Variants in NAV3 observed in about 807,000 individuals in gnomAD.
NAV3 encodes pore membrane and/or filament interacting like protein 1.
A neutral mutation model predicts 244.7 loss-of-function variants in NAV3; 87 were observed. That is an observed-to-expected ratio of 0.36 (90% CI 0.30 to 0.42). The LOEUF is 0.42. Ranked by LOEUF, NAV3 falls within the 20% of genes least tolerant of loss-of-function variation. The pLI is 1.00. For synonymous variants in NAV3, 1,126 were observed against 1,042.2 expected, an observed-to-expected ratio of 1.08 and a Z score of -1.55; for missense variants, 2,663 against 2,893.3, an observed-to-expected ratio of 0.92 and a Z score of 1.83.
intron 2 of NAV3, among the ~76,000 whole-genome samples, chr12:77,783,909 G>A (rs964575169): frequency 2.0e-5 from 3 of 152,004 alleles, no homozygotes; most frequent in Non-Finnish European, 4.4e-5. Context: ...CTTTTTCATG[G>A]GTGTGTGTGT....
intron 12 of NAV3, among the ~76,000 whole-genome samples, chr12:78,103,035 T>C (rs1171436638): frequency 6.6e-6 from 1 of 152,226 alleles, no homozygotes; most frequent in Admixed American, 6.5e-5. Context: ...TTGTTACTTA[T>C]GCAGATTTCT....
At chr12:77,786,772 A>C (rs1870922407) in intron 2 of NAV3, among the ~76,000 whole-genome samples, 2 of 151,894 alleles carry the variant, frequency 1.3e-5, no homozygotes, top group African/African-American at 4.8e-5. Flanking sequence ...TTCATTTCTG[A>C]CTACTTGGAA....
chr12:77,902,712 T>C (rs1885452467), intron 1 of NAV3, among the ~76,000 whole-genome samples: 1 of 152,200 alleles, frequency 6.6e-6, no homozygotes, highest in African/African-American at 2.4e-5. Context: ...TGTCCCTGTT[T>C]GCAGATGACA....
At chr12:77,991,249 A>G (rs1871388610) in intron 5 of NAV3, among the ~76,000 whole-genome samples, 1 of 151,582 alleles carries the variant, frequency 6.6e-6, no homozygotes, top group Non-Finnish European at 1.5e-5. Flanking sequence ...TGGTCTCAAA[A>G]TCCTGACCAC....
At chr12:78,207,330 C>G (rs1376882967) in intron 39 of NAV3, among the ~76,000 whole-genome samples, 1 of 152,082 alleles carries the variant, frequency 6.6e-6, no homozygotes, top group African/African-American at 2.4e-5. Flanking sequence ...TTTAAAAATA[C>G]AATGTGTATT....
intron 23 of NAV3, among the ~76,000 whole-genome samples, chr12:78,167,671 A>C (rs1294998245): frequency 6.6e-6 from 1 of 151,630 alleles, no homozygotes; most frequent in Non-Finnish European, 1.5e-5. Flanking sequence ...AGAATGAAGA[A>C]CCGAGGCCCG....
intron 5 of NAV3, among the ~76,000 whole-genome samples, chr12:77,974,468 T>G (rs1475412909): frequency 6.6e-6 from 1 of 151,520 alleles, no homozygotes; most frequent in Non-Finnish European, 1.5e-5. Flanking sequence ...TTTTTTTTTT[T>G]TGTAATTTTT....
At chr12:77,794,204 C>G (rs1287353302) in intron 2 of NAV3, among the ~76,000 whole-genome samples, 1 of 151,962 alleles carries the variant, frequency 6.6e-6, no homozygotes, top group East Asian at 1.9e-4. Context: ...TTTAAAGTTC[C>G]TTGTAGATTA....
chr12:77,951,482 T>C (rs1013974718), intron 3 of NAV3, among the ~76,000 whole-genome samples: 1 of 152,158 alleles, frequency 6.6e-6, no homozygotes, highest in East Asian at 1.9e-4. Flanking sequence ...GACTGTAAAC[T>C]AGTTCAACAA....
In NAV3 at chr12:77,658,802, C is replaced by A. The variant is rs1403027950; in HGVS notation, c.72+86536C>A. Among the ~76,000 whole-genome samples the A allele has an allele frequency of 4.0e-5, 6 of 151,608 alleles. No individual in the cohort carries two copies. In the East Asian group the frequency reaches 1.2e-3, roughly 29 times the overall value. On this transcript the variant is annotated intron_variant, in intron 2 of 8. Transcript: ENST00000550042. ...CAGAACAGAGCCCTCAGAAATAACG[C>A]CGCATATCTACAACTATCTGATCTT...
chr12:78,198,002 C>T (rs937763534), intron 35 of NAV3, among the ~76,000 whole-genome samples: 1 of 151,432 alleles, frequency 6.6e-6, no homozygotes, highest in African/African-American at 2.4e-5. Context: ...TAACTATTTA[C>T]AATAAAAGGA....
At chr12:78,180,801 T>G (rs1028030744) in intron 29 of NAV3, 70 bp from the exon 30 acceptor site, 2 of 1,280,584 alleles carry the variant, frequency 1.6e-6, no homozygotes, top group African/African-American at 3.0e-5. Flanking sequence ...TTAACTCTGA[T>G]AAAAGACTTG....
intron 2 of NAV3, among the ~76,000 whole-genome samples, chr12:77,670,588 C>G (rs999866432): frequency 1.3e-5 from 2 of 152,078 alleles, no homozygotes; most frequent in Non-Finnish European, 2.9e-5. Flanking sequence ...GATAATCCAC[C>G]ATGATCAACT....
chr12:78,129,405 T>A (rs1283296785), intron 18 of NAV3, among the ~76,000 whole-genome samples: 1 of 152,170 alleles, frequency 6.6e-6, no homozygotes, highest in East Asian at 1.9e-4. Flanking sequence ...TAAAACTCCT[T>A]AAAATTCATA....
At chr12:78,162,931 A>C (rs942825667) in intron 23 of NAV3, among the ~76,000 whole-genome samples, 1 of 124,570 alleles carries the variant, frequency 8.0e-6, no homozygotes, top group Non-Finnish European at 1.7e-5. Context: ...TATATATATA[A>C]ATTACATATT....
chr12:77,894,044 C>T (rs370317468), intron 1 of NAV3, among the ~76,000 whole-genome samples: 2 of 152,154 alleles, frequency 1.3e-5, no homozygotes, highest in South Asian at 4.1e-4. Context: ...TACCTGGTTT[C>T]CTCTTTCAAA....
In NAV3 at chr12:77,824,388, C is replaced by T. The variant is rs113692807; in HGVS notation, c.73-115931C>T. On this transcript the variant is annotated intron_variant, in intron 2 of 8. Coordinates refer to the NAV3 transcript ENST00000550042. Reference sequence around the variant, plus strand: ...GATTACAGGCATGCGCCACTGCGCCCGGCCGAGAGTAAGATTTTTAAAGCC... The same window carrying T: ...GATTACAGGCATGCGCCACTGCGCCTGGCCGAGAGTAAGATTTTTAAAGCC... 4.9e-3 allele frequency among the ~76,000 whole-genome samples: 746 copies of T among 151,548 alleles called. 10 individuals carry two copies. The highest frequency in any genetic ancestry group is 0.016 in the African/African-American group (678 of 41,352).
intron 1 of NAV3, among the ~76,000 whole-genome samples, chr12:77,836,164 T>A (rs189069781): frequency 6.6e-6 from 1 of 152,330 alleles, no homozygotes; most frequent in African/African-American, 2.4e-5. Context: ...TTACTTAACA[T>A]TCTGGAAGTT....
intron 23 of NAV3, among the ~76,000 whole-genome samples, chr12:78,166,149 A>T (rs1039697712): frequency 6.6e-6 from 1 of 151,924 alleles, no homozygotes; most frequent in African/African-American, 2.4e-5. Context: ...AAATAGTCTC[A>T]AAGCACATTT....
Sources: allele counts gnomAD v4.1 joint callset (sites outside exome capture counted in the v4.1 genomes callset), GRCh38; gene constraint gnomAD v4.1.1; transcripts MANE v1.5; gene names NCBI Gene and HGNC (gene_info 2026-07-23, HGNC 2026-07-21).